Variants in THSD4 observed in about 807,000 individuals in gnomAD.
The protein encoded by THSD4 is thrombospondin type 1 domain containing 4.
THSD4 carries 69 observed loss-of-function variants against 119.0 expected under a neutral mutation model. The ratio of observed to expected loss-of-function variants is 0.58; its 90% CI spans 0.48 to 0.71. The LOEUF (loss-of-function observed/expected upper bound fraction) is 0.71. Ranked by LOEUF, THSD4 falls within the 30% of genes least tolerant of loss-of-function variation. The pLI is 0.00. For synonymous variants in THSD4, 524 were observed against 540.4 expected, an observed-to-expected ratio of 0.97 and a Z score of 0.42; for missense variants, 1,393 against 1,391.1, an observed-to-expected ratio of 1.00 and a Z score of -0.02.
rs2044164239 is a variant in THSD4 at position 71,242,771 on chromosome 15, C to T, written c.587C>T (p.Ser196Phe). ...PQRLRRQKLS[S>F]RHSRSQGASS... Reference sequence around the variant, plus strand: ...AGGCTCCGGAGACAGAAGCTCTCATCCCGCCATTCCAGGTCCCAGGGAGCA... The same window carrying T: ...AGGCTCCGGAGACAGAAGCTCTCATTCCGCCATTCCAGGTCCCAGGGAGCA... Residue 196 changes from serine to phenylalanine, a missense_variant, in exon 5 of 18, where the codon TCC becomes TTC. By Grantham distance (155) the Ser-to-Phe change is radical (BLOSUM62 -2). Coordinates refer to ENST00000261862, the MANE Select transcript of THSD4 (RefSeq NM_024817.3). The T allele has an allele frequency of 6.2e-7, 1 of 1,614,094 alleles. No individual in the cohort carries two copies. Among genetic ancestry groups the T allele is most frequent in the Non-Finnish European group, 8.5e-7 (1 of 1,180,056 alleles).
chr15:71,181,553 G>A (rs1468295656), intron 3 of THSD4, among the ~76,000 whole-genome samples: 1 of 152,214 alleles, frequency 6.6e-6, no homozygotes, highest in Non-Finnish European at 1.5e-5. Flanking sequence ...TTCTGAGTAT[G>A]CTTGTACCCA....
chr15:71,479,988 A>G (rs1253330543), intron 7 of THSD4, among the ~76,000 whole-genome samples: 1 of 152,224 alleles, frequency 6.6e-6, no homozygotes, highest in East Asian at 1.9e-4. Flanking sequence ...ATTGTATAAA[A>G]TAAGAGATTC....
chr15:71,741,941 C>G (rs571399769), intron 11 of THSD4, among the ~76,000 whole-genome samples: 1 of 152,218 alleles, frequency 6.6e-6, no homozygotes, highest in Non-Finnish European at 1.5e-5. Context: ...GGAGGCCTCT[C>G]CTTTGCTCTG....
chr15:71,623,970 C>T (rs941848194), intron 7 of THSD4, among the ~76,000 whole-genome samples: 2 of 151,024 alleles, frequency 1.3e-5, no homozygotes, highest in African/African-American at 2.4e-5. Context: ...AGTCTTACAA[C>T]AGTGAATTAA....
intron 4 of THSD4, among the ~76,000 whole-genome samples, chr15:71,224,049 C>T (rs1048662200): frequency 2.0e-5 from 3 of 152,100 alleles, no homozygotes; most frequent in Non-Finnish European, 4.4e-5. Context: ...CAACGGAGAA[C>T]TGGAGGAGCC....
chr15:71,289,420 C>G (rs1017507085), intron 6 of THSD4, among the ~76,000 whole-genome samples: 15 of 152,148 alleles, frequency 9.9e-5, no homozygotes, highest in African/African-American at 3.4e-4. Context: ...GGAACATGCC[C>G]CATCCTGTTT....
At chr15:71,482,979 C>G (rs996158188) in intron 7 of THSD4, among the ~76,000 whole-genome samples, 21 of 152,128 alleles carry the variant, frequency 1.4e-4, no homozygotes, top group Admixed American at 1.4e-3. Flanking sequence ...TGGCCAGAAC[C>G]ATTGCCATGC....
At chr15:71,206,088 C>T (rs1009877716) in intron 3 of THSD4, among the ~76,000 whole-genome samples, 2 of 152,052 alleles carry the variant, frequency 1.3e-5, no homozygotes, top group African/African-American at 4.8e-5. Flanking sequence ...TGTTTCAAGT[C>T]GAAAGTCTCC....
At chr15:71,677,460 C>A (rs2051676494) in intron 8 of THSD4, among the ~76,000 whole-genome samples, 1 of 152,154 alleles carries the variant, frequency 6.6e-6, no homozygotes, top group South Asian at 2.1e-4. Context: ...TGGAAAGATG[C>A]TGTTGTTTGT....
intron 7 of THSD4, among the ~76,000 whole-genome samples, chr15:71,544,034 A>G (rs1057321325): frequency 6.6e-6 from 1 of 152,000 alleles, no homozygotes; most frequent in African/African-American, 2.4e-5. Context: ...ATCTCAAAAA[A>G]TAAAAATAAA....
chr15:71,233,317 A>G (rs1486525150), intron 4 of THSD4, among the ~76,000 whole-genome samples: 1 of 152,220 alleles, frequency 6.6e-6, no homozygotes, highest in Non-Finnish European at 1.5e-5. Flanking sequence ...ACACAGCAGT[A>G]TGAAAGGGTA....
chr15:71,172,711 ATATATATATATATATATATATATG>A (rs948076429), intron 3 of THSD4, among the ~76,000 whole-genome samples: 1 of 114,584 alleles, frequency 8.7e-6, no homozygotes, highest in African/African-American at 4.1e-5. Context: ...ATATATATAT[ATATATATATATATATATATATATG>A]TGGACAATTG....
intron 7 of THSD4, among the ~76,000 whole-genome samples, chr15:71,605,336 C>T (rs548407232): frequency 6.6e-6 from 1 of 152,186 alleles, no homozygotes; most frequent in African/African-American, 2.4e-5. Flanking sequence ...ACTTCAGAGT[C>T]GTTCTAAGTA....
intron 8 of THSD4, among the ~76,000 whole-genome samples, chr15:71,696,699 G>A (rs1322326975): frequency 2.0e-5 from 3 of 152,156 alleles, no homozygotes; most frequent in Non-Finnish European, 4.4e-5. Flanking sequence ...GGCATACCTT[G>A]AGGACAGAGA....
chr15:71,149,256 GT>G lies in THSD4; in HGVS notation c.30-5600del, dbSNP rs1309493033. Among the ~76,000 whole-genome samples the G allele has an allele frequency of 3.3e-5, 5 of 151,022 alleles. No homozygotes were observed. The East Asian group carries it at 9.7e-4, about 29-fold the overall frequency. On this transcript the variant is annotated intron_variant, in intron 2 of 17. Transcript: ENST00000261862. The stretch of plus-strand genomic sequence containing the variant: ...AAATGCATGCTTAGCAAACATTTTT[GT>G]TTTTTTGAGATGGAGTCTCGCTGTG...
chr15:71,412,524 C>T (rs2046703564), intron 7 of THSD4, among the ~76,000 whole-genome samples: 1 of 152,138 alleles, frequency 6.6e-6, no homozygotes, highest in South Asian at 2.1e-4. Context: ...CGTATGTATT[C>T]ATGGAGCTAA....
intron 7 of THSD4, among the ~76,000 whole-genome samples, chr15:71,489,342 T>A (rs576414540): frequency 1.3e-5 from 2 of 151,740 alleles, no homozygotes; most frequent in South Asian, 4.1e-4. Context: ...GTGCTCTCAT[T>A]GTAGCTAATT....
chr15:71,748,478 A>T lies in THSD4; in HGVS notation c.2299A>T (p.Ile767Phe), dbSNP rs774060738. 6.2e-7 allele frequency: 1 copy of T among 1,614,194 alleles called. No individual in the cohort carries two copies. The highest frequency in any genetic ancestry group is 1.1e-5 in the South Asian group (1 of 91,080). The change falls in exon 14 of 18, where the codon ATT becomes TTT. Residue 767 changes from isoleucine (I) to phenylalanine (F), a missense_variant. Ile to Phe is a conservative substitution (Grantham distance 21, BLOSUM62 0). Transcript: ENST00000261862. ...RTRDVKCVSNIGDVVDDEECN... is the reference protein window; with the variant it reads ...RTRDVKCVSNFGDVVDDEECN... The stretch of plus-strand genomic sequence containing the variant: ...CCGTGATGTGAAGTGTGTGAGCAAC[A>T]TTGGGGATGTGGTTGACGATGAGGA...
chr15:71,315,229 C>T (rs1368666951), intron 6 of THSD4, among the ~76,000 whole-genome samples: 1 of 152,240 alleles, frequency 6.6e-6, no homozygotes, highest in Non-Finnish European at 1.5e-5. Context: ...CCTGCATTCA[C>T]CTGTGCTCTG....
Sources: gnomAD v4.1 joint callset for allele counts (sites outside exome capture counted in the v4.1 genomes callset) on GRCh38, gnomAD v4.1.1 for gene constraint, MANE v1.5 for transcripts, NCBI Gene and HGNC (gene_info 2026-07-23, HGNC 2026-07-21) for gene names.